DLG2: variants seen among roughly 807,000 people sequenced by gnomAD.
DLG2 encodes discs large MAGUK scaffold protein 2.
Under a neutral mutation model 132.5 loss-of-function variants are expected in DLG2, and 45 were observed. That is an observed-to-expected ratio of 0.34 (90% CI 0.27 to 0.44). The LOEUF (loss-of-function observed/expected upper bound fraction) is 0.44. Among genes scored for constraint, DLG2 ranks in the 20% least tolerant of loss-of-function variants. The pLI is 1.00. For synonymous variants in DLG2, 424 were observed against 419.6 expected, an observed-to-expected ratio of 1.01 and a Z score of -0.13; for missense variants, 1,045 against 1,196.9, an observed-to-expected ratio of 0.87 and a Z score of 1.87.
At chr11:83,840,577 C>T (rs368398781) in intron 16 of DLG2, among the ~76,000 whole-genome samples, 125 of 152,192 alleles carry the variant, frequency 8.2e-4, no homozygotes, top group African/African-American at 2.9e-3. Context: ...CAACTCTGGA[C>T]AATCGCTCCA....
intron 7 of DLG2, among the ~76,000 whole-genome samples, chr11:84,521,086 TGGAC>T (rs1362538332): frequency 1.3e-5 from 2 of 152,190 alleles, no homozygotes; most frequent in Non-Finnish European, 2.9e-5. Flanking sequence ...AGTACACAAA[TGGAC>T]AGAAGAGTTA....
chr11:85,427,880 C>A (rs1452086899), intron 3 of DLG2, among the ~76,000 whole-genome samples: 1 of 152,082 alleles, frequency 6.6e-6, no homozygotes, highest in Non-Finnish European at 1.5e-5. Context: ...TTCAGGAAAC[C>A]CATCTCATGT....
intron 3 of DLG2, among the ~76,000 whole-genome samples, chr11:85,526,725 T>G (rs2074783349): frequency 6.6e-6 from 1 of 152,146 alleles, no homozygotes; most frequent in African/African-American, 2.4e-5. Flanking sequence ...TGGAAGAGAT[T>G]AGCATTTGAA....
At chr11:85,041,986 A>T (rs1396195928) in intron 6 of DLG2, among the ~76,000 whole-genome samples, 2 of 151,904 alleles carry the variant, frequency 1.3e-5, no homozygotes, top group Non-Finnish European at 2.9e-5. Flanking sequence ...TACAACGTAC[A>T]CTATTCCAGT....
At chr11:84,357,112 A>T (rs1175019910) in intron 7 of DLG2, among the ~76,000 whole-genome samples, 1 of 152,026 alleles carries the variant, frequency 6.6e-6, no homozygotes, top group East Asian at 1.9e-4. Flanking sequence ...TTTACCTGAG[A>T]CTGAGAGAAA....
intron 6 of DLG2, among the ~76,000 whole-genome samples, chr11:84,740,735 T>C (rs2064501903): frequency 6.6e-6 from 1 of 152,140 alleles, no homozygotes; most frequent in Non-Finnish European, 1.5e-5. Context: ...CCCTGCCACC[T>C]GCACTTCCAA....
At chr11:84,343,017 A>G (rs940803863) in intron 7 of DLG2, among the ~76,000 whole-genome samples, 1 of 152,192 alleles carries the variant, frequency 6.6e-6, no homozygotes, top group Non-Finnish European at 1.5e-5. Flanking sequence ...CAGTCTAGTG[A>G]AGAAGGCAGT....
intron 6 of DLG2, among the ~76,000 whole-genome samples, chr11:84,750,788 G>A (rs1353822325): frequency 1.3e-5 from 2 of 152,026 alleles, no homozygotes; most frequent in African/African-American, 2.4e-5. Context: ...CATCTGGAAT[G>A]GATACTAGGA....
At chr11:84,647,445 C>A (rs1440700766) in intron 6 of DLG2, among the ~76,000 whole-genome samples, 1 of 152,204 alleles carries the variant, frequency 6.6e-6, no homozygotes, top group Non-Finnish European at 1.5e-5. Flanking sequence ...CTAGGCACAT[C>A]AGACTACGAT....
chr11:85,056,116 AAAAAC>A (rs545264841), intron 6 of DLG2, among the ~76,000 whole-genome samples: 33 of 152,274 alleles, frequency 2.2e-4, no homozygotes, highest in African/African-American at 7.5e-4. Context: ...TAATAAAAGA[AAAAAC>A]AGAACAGAGT....
rs1413258206 is a variant in DLG2 at position 83,483,521 on chromosome 11, C to CAA, written c.2293+606_2293+607dup. ...TTTGCAGAGCAACTCAAGGTTTAAA[C>CAA]AAAAGATTGTAAGAAAAAAAAATTC... On this transcript the variant is annotated intron_variant, in intron 22 of 27. Transcript: ENST00000376104. 8.5e-5 allele frequency among the ~76,000 whole-genome samples: 13 copies of CAA among 152,144 alleles called. 1 individual carries two copies. In the South Asian group the frequency reaches 1.2e-3, roughly 15 times the overall value.
intron 9 of DLG2, among the ~76,000 whole-genome samples, chr11:84,136,704 A>C (rs148218654): frequency 1.3e-5 from 2 of 152,280 alleles, no homozygotes; most frequent in South Asian, 4.1e-4. Context: ...GTTGGCTAAA[A>C]GTTAATTGTG....
At chr11:83,909,790 T>C (rs888594529) in intron 15 of DLG2, among the ~76,000 whole-genome samples, 1 of 152,154 alleles carries the variant, frequency 6.6e-6, no homozygotes, top group Non-Finnish European at 1.5e-5. Context: ...GGAGACAGTA[T>C]TGCTCAAGGG....
chr11:84,307,964 T>C (rs1408022024), intron 7 of DLG2, among the ~76,000 whole-genome samples: 1 of 152,164 alleles, frequency 6.6e-6, no homozygotes, highest in Non-Finnish European at 1.5e-5. Flanking sequence ...AGTTGCAGAC[T>C]TCTGCGGTGA....
At chr11:84,668,139 T>C (rs2153687763) in intron 6 of DLG2, among the ~76,000 whole-genome samples, 1 of 152,190 alleles carries the variant, frequency 6.6e-6, no homozygotes, top group Non-Finnish European at 1.5e-5. Flanking sequence ...CTTTCTAGAG[T>C]GCCCAACAGA....
chr11:84,465,450 C>T (rs1259445915), intron 7 of DLG2, among the ~76,000 whole-genome samples: 2 of 151,188 alleles, frequency 1.3e-5, no homozygotes, highest in South Asian at 2.1e-4. Flanking sequence ...TCTCATGTTA[C>T]GTGCACCATG....
chr11:85,027,267 T>C (rs1016971660), intron 6 of DLG2, among the ~76,000 whole-genome samples: 1 of 134,188 alleles, frequency 7.5e-6, no homozygotes, highest in South Asian at 2.6e-4. Context: ...GATATACACA[T>C]ACATCAGAAA....
chr11:85,460,236 T>A (rs1031913009), intron 3 of DLG2, among the ~76,000 whole-genome samples: 1 of 152,204 alleles, frequency 6.6e-6, no homozygotes, highest in Admixed American at 6.5e-5. Context: ...CTCCTACTGC[T>A]GGAGCTCCAG....
Position 84,009,666 on chromosome 11 carries a change from A to T in DLG2, c.920-29024T>A, listed in dbSNP as rs377394568. ...ACTTCTGTCTAGTTTGATGCTGTGCAGTGTGGAGTTTTAAAGGTTATTCTC... is the reference window on the plus strand; with the variant it reads ...ACTTCTGTCTAGTTTGATGCTGTGCTGTGTGGAGTTTTAAAGGTTATTCTC... On this transcript the variant is annotated intron_variant, in intron 11 of 27. Coordinates refer to ENST00000376104, the MANE Select transcript of DLG2 (RefSeq NM_001142699.3). 5.9e-5 allele frequency among the ~76,000 whole-genome samples: 9 copies of T among 152,104 alleles called. No individual in the cohort carries two copies. The East Asian group carries it at 7.7e-4, about 13-fold the overall frequency.
Sources: allele counts gnomAD v4.1 joint callset (sites outside exome capture counted in the v4.1 genomes callset), GRCh38; gene constraint gnomAD v4.1.1; transcripts MANE v1.5; gene names NCBI Gene and HGNC (gene_info 2026-07-23, HGNC 2026-07-21).